Variants in RBMS2 observed in about 807,000 individuals in gnomAD.
The protein encoded by RBMS2 is RNA binding motif single stranded interacting protein 2.
RBMS2 carries 38 observed loss-of-function variants against 58.4 expected under a neutral mutation model. The observed-to-expected ratio is 0.65, with a 90% confidence interval of 0.50 to 0.85. RBMS2 has a LOEUF of 0.85. RBMS2 is among the 40% of genes least tolerant of loss of function. The pLI is 0.00. For missense variants in RBMS2, 367 were observed against 503.7 expected, an observed-to-expected ratio of 0.73 and a Z score of 2.60; for synonymous variants, 151 against 180.7, an observed-to-expected ratio of 0.84 and a Z score of 1.32.
chr12:56,548,088 C>T (rs918565677), intron 1 of RBMS2, among the ~76,000 whole-genome samples: 2 of 152,150 alleles, frequency 1.3e-5, no homozygotes, highest in African/African-American at 4.8e-5. Flanking sequence ...ATACGTCACT[C>T]ATACACCATT....
intron 2 of RBMS2, among the ~76,000 whole-genome samples, chr12:56,565,308 T>G (rs550773935): frequency 6.6e-6 from 1 of 152,202 alleles, no homozygotes; most frequent in African/African-American, 2.4e-5. Context: ...CTTGGGTATT[T>G]GGTGTATAGA....
intron 9 of RBMS2, among the ~76,000 whole-genome samples, chr12:56,583,105 T>G (rs928711393): frequency 7.9e-5 from 12 of 152,230 alleles, no homozygotes; most frequent in Non-Finnish European, 7.3e-5. Flanking sequence ...GGCATTCACT[T>G]AGATTCGTTT....
chr12:56,553,692 C>T (rs1878703061), intron 1 of RBMS2, among the ~76,000 whole-genome samples: 1 of 152,076 alleles, frequency 6.6e-6, no homozygotes, highest in South Asian at 2.1e-4. Context: ...GTCTCAAACT[C>T]CTGGGCTCAA....
intron 1 of RBMS2, among the ~76,000 whole-genome samples, chr12:56,537,706 T>G (rs1255858374): frequency 1.3e-5 from 2 of 152,236 alleles, no homozygotes; most frequent in African/African-American, 2.4e-5. Flanking sequence ...TTTCAATTCT[T>G]TTGGGTATAT....
intron 1 of RBMS2, among the ~76,000 whole-genome samples, chr12:56,527,015 G>A (rs2136234784): frequency 6.6e-6 from 1 of 152,228 alleles, no homozygotes; most frequent in South Asian, 2.1e-4. Flanking sequence ...AGACTGATGG[G>A]GAGTAGGAGG....
intron 1 of RBMS2, among the ~76,000 whole-genome samples, chr12:56,549,683 T>C (rs1877880364): frequency 6.6e-6 from 1 of 152,108 alleles, no homozygotes; most frequent in African/African-American, 2.4e-5. Context: ...CATACTAGTT[T>C]GAAATGGTTC....
chr12:56,570,186 A>G (rs753182699), intron 4 of RBMS2, among the ~76,000 whole-genome samples, 196 bp downstream of exon 4: 2 of 152,126 alleles, frequency 1.3e-5, no homozygotes, highest in African/African-American at 2.4e-5. Flanking sequence ...AGGTAGCTCT[A>G]TCAGCTCTCT....
chr12:56,542,480 T>A (rs6581100), intron 1 of RBMS2, among the ~76,000 whole-genome samples: 132,897 of 146,104 alleles, frequency 0.91, 61,045 homozygotes, highest in East Asian at 0.99. Context: ...TTTTTTTTTT[T>A]AAAAATGGGG....
chr12:56,586,201 G>T (rs1022442991), intron 9 of RBMS2, among the ~76,000 whole-genome samples: 1 of 151,928 alleles, frequency 6.6e-6, no homozygotes, highest in Non-Finnish European at 1.5e-5. Flanking sequence ...GCATGGTGGC[G>T]GGCACCTGTA....
chr12:56,559,285 C>T (rs1031791259), intron 1 of RBMS2, among the ~76,000 whole-genome samples: 16 of 151,760 alleles, frequency 1.1e-4, no homozygotes, highest in African/African-American at 3.9e-4. Flanking sequence ...CCTGGGTTCA[C>T]GCCATTCTCC....
rs112021203 is a variant in RBMS2 at position 56,521,840 on chromosome 12, C to T, written c.-184C>T. On this transcript the variant is annotated 5_prime_UTR_variant, in exon 1 of 14. Coordinates refer to ENST00000262031, the MANE Select transcript of RBMS2 (RefSeq NM_002898.4). ...GGAGCAGCCCGAGCTCATTCTCTGC[C>T]CGCAGCCCCCCTTCATCTCTCTCCT... The T allele has an allele frequency of 6.3e-3, 3,609 of 573,868 alleles. 141 individuals carry two copies. The African/African-American group carries it at 0.066, about 11-fold the overall frequency. The allele number at this position is 573,868 out of a possible 1,614,324, so 35.5% of individuals were successfully genotyped here.
intron 12 of RBMS2, chr12:56,588,629 A>G: frequency 1.7e-6 from 1 of 585,664 alleles, no homozygotes; most frequent in Non-Finnish European, 3.0e-6. Flanking sequence ...TAAAAAAAAA[A>G]CAACAGCAGA....
chr12:56,580,023 A>T (rs1883699620), intron 5 of RBMS2, among the ~76,000 whole-genome samples: 1 of 151,982 alleles, frequency 6.6e-6, no homozygotes, highest in Admixed American at 6.6e-5. Context: ...TCTGCTTCCC[A>T]GGTTCAAGCA....
intron 9 of RBMS2, among the ~76,000 whole-genome samples, chr12:56,586,514 A>T (rs2136592514): frequency 6.6e-6 from 1 of 151,392 alleles, no homozygotes; most frequent in East Asian, 1.9e-4. Context: ...TCATGTACTC[A>T]TTGGCTATTT....
Position 56,589,466 on chromosome 12 carries a change from C to T in RBMS2, c.*333C>T, listed in dbSNP as rs757709244. The T allele has an allele frequency of 4.0e-4, 133 of 328,762 alleles. No homozygotes were observed. Among genetic ancestry groups the T allele is most frequent in the Non-Finnish European group, 5.6e-4 (113 of 201,204 alleles). 20.4% of individuals were successfully genotyped at this position (328,762 alleles called of 1,614,324 possible). Reference sequence around the variant, plus strand: ...CCCTACCTTGAAGAGACATGGTGGTCGCAGCTTCTCATCTATATGAAAAAG... The same window carrying T: ...CCCTACCTTGAAGAGACATGGTGGTTGCAGCTTCTCATCTATATGAAAAAG... On this transcript the variant is annotated 3_prime_UTR_variant, in exon 14 of 14. Transcript: ENST00000262031.
At chr12:56,547,806 G>A (rs943202878) in intron 1 of RBMS2, among the ~76,000 whole-genome samples, 7 of 151,702 alleles carry the variant, frequency 4.6e-5, no homozygotes, top group African/African-American at 1.2e-4. Context: ...CCACTACCAC[G>A]CCTGGCTAAT....
At chr12:56,553,934 C>T (rs1878771362) in intron 1 of RBMS2, among the ~76,000 whole-genome samples, 1 of 151,356 alleles carries the variant, frequency 6.6e-6, no homozygotes, top group Non-Finnish European at 1.5e-5. Flanking sequence ...AAGCGATTCT[C>T]CTGCCCCAGC....
intron 11 of RBMS2, 154 bp downstream of exon 11, chr12:56,587,818 C>T (rs746178721): frequency 1.2e-4 from 89 of 754,790 alleles, no homozygotes; most frequent in Non-Finnish European, 1.3e-4. Flanking sequence ...AATGGTAGTG[C>T]TCCATGAGCC....
Position 56,521,977 on chromosome 12 carries a change from T to TTC in RBMS2, c.-28_-27dup, listed in dbSNP as rs141771200. 2,628 of 670,604 alleles carry TTC rather than the reference T, an allele frequency of 3.9e-3. 3 individuals are homozygous for TTC. Among genetic ancestry groups the TTC allele is most frequent in the Non-Finnish European group, 4.2e-3 (1,830 of 431,594 alleles). The allele number at this position is 670,604 out of a possible 1,614,324, so 41.5% of individuals were successfully genotyped here. A position where few individuals can be genotyped will look rare whatever the true frequency, so the allele number is the denominator to read the frequency against. On this transcript the variant is annotated 5_prime_UTR_variant, in exon 1 of 14. Coordinates refer to ENST00000262031, the MANE Select transcript of RBMS2 (RefSeq NM_002898.4). ...TCCCCGTCTTTCTTACCCCCTCCCTTTCTCTCTCTCTCTCTCTCTCGCTCG... is the reference window on the plus strand; with the variant it reads ...TCCCCGTCTTTCTTACCCCCTCCCTTTCTCTCTCTCTCTCTCTCTCTCGCTCG...
Sources: allele counts gnomAD v4.1 joint callset (sites outside exome capture counted in the v4.1 genomes callset), GRCh38; gene constraint gnomAD v4.1.1; transcripts MANE v1.5; gene names NCBI Gene and HGNC (gene_info 2026-07-23, HGNC 2026-07-21).